BMERB1: variants seen among roughly 807,000 people sequenced by gnomAD.
BMERB1 encodes bMERB domain-containing protein 1.
BMERB1 carries 12 observed loss-of-function variants against 23.6 expected under a neutral mutation model. The ratio of observed to expected loss-of-function variants is 0.51; its 90% CI spans 0.33 to 0.82. The LOEUF (loss-of-function observed/expected upper bound fraction) is 0.82, where lower values mean the gene tolerates loss of function less well. Among genes scored for constraint, BMERB1 ranks in the 40% least tolerant of loss-of-function variants. The pLI is 0.03. For missense variants in BMERB1, 247 were observed against 255.4 expected (o/e 0.97, Z 0.22); for synonymous variants, 122 against 96.6 (o/e 1.26, Z -1.54).
intron 1 of BMERB1, among the ~76,000 whole-genome samples, chr16:15,443,660 G>A (rs886591667): frequency 6.6e-6 from 1 of 152,118 alleles, no homozygotes; most frequent in African/African-American, 2.4e-5. Flanking sequence ...GCTCGAGCCT[G>A]TAATCCCAGC....
chr16:15,569,079 G>T (rs1222159024), intron 3 of BMERB1, among the ~76,000 whole-genome samples: 2 of 152,102 alleles, frequency 1.3e-5, no homozygotes, highest in Non-Finnish European at 2.9e-5. Flanking sequence ...AGCCAGGGGT[G>T]GTGGCGGGTG....
chr16:15,552,035 G>C (rs966042562), intron 2 of BMERB1, among the ~76,000 whole-genome samples: 5 of 152,110 alleles, frequency 3.3e-5, no homozygotes, highest in African/African-American at 7.2e-5. Flanking sequence ...TAGGGGTAGG[G>C]TTAGGGACAC....
chr16:15,584,262 G>C, intron 5 of BMERB1: 1 of 498,430 alleles, frequency 2.0e-6, no homozygotes, highest in East Asian at 3.4e-5. Flanking sequence ...CTTTCAGTTA[G>C]AAGAAATGGA....
chr16:15,434,913 C>T (rs1028166484), intron 1 of BMERB1, among the ~76,000 whole-genome samples, 154 bp downstream of exon 1: 13 of 152,240 alleles, frequency 8.5e-5, no homozygotes, highest in African/African-American at 3.1e-4. Flanking sequence ...CAGCTCTGCG[C>T]AGCGACGCGC....
chr16:15,503,149 G>A (rs2051547780), intron 1 of BMERB1, among the ~76,000 whole-genome samples: 1 of 152,216 alleles, frequency 6.6e-6, no homozygotes, highest in Admixed American at 6.5e-5. Context: ...TGCTGAATCT[G>A]TGTAAATGAA....
chr16:15,448,193 A>G (rs1660762213), intron 1 of BMERB1, among the ~76,000 whole-genome samples: 1 of 152,140 alleles, frequency 6.6e-6, no homozygotes, highest in Non-Finnish European at 1.5e-5. Flanking sequence ...CCTGGCCGGA[A>G]GTAGCATTTT....
chr16:15,586,668 T>C, intron 5 of BMERB1, 49 bp from the exon 6 acceptor site: 1 of 1,467,210 alleles, frequency 6.8e-7, no homozygotes, highest in South Asian at 1.2e-5. Flanking sequence ...CTCACCTCTC[T>C]CTCTCTGTTC....
At chr16:15,562,462 C>G (rs554700217) in intron 2 of BMERB1, among the ~76,000 whole-genome samples, 1 of 152,234 alleles carries the variant, frequency 6.6e-6, no homozygotes, top group East Asian at 1.9e-4. Context: ...TCTCCATCTT[C>G]TCCTCTCTTA....
At chr16:15,513,950 C>T (rs771157730) in intron 1 of BMERB1, among the ~76,000 whole-genome samples, 4 of 151,918 alleles carry the variant, frequency 2.6e-5, no homozygotes, top group African/African-American at 9.7e-5. Flanking sequence ...TATAAAAAAC[C>T]ACATATATTC....
intron 3 of BMERB1, among the ~76,000 whole-genome samples, chr16:15,573,895 G>C (rs1234915443): frequency 6.8e-6 from 1 of 147,774 alleles, no homozygotes; most frequent in Non-Finnish European, 1.5e-5. Flanking sequence ...TTCACAAGGT[G>C]ACAGGAAGGA....
chr16:15,535,610 A>G (rs1174876799), intron 2 of BMERB1, among the ~76,000 whole-genome samples: 1 of 150,544 alleles, frequency 6.6e-6, no homozygotes, highest in East Asian at 1.9e-4. Flanking sequence ...AGATCGTGCC[A>G]CAGTACTCCA....
intron 1 of BMERB1, among the ~76,000 whole-genome samples, chr16:15,503,640 A>G (rs2051553877): frequency 6.6e-6 from 1 of 151,952 alleles, no homozygotes; most frequent in Admixed American, 6.6e-5. Context: ...CCTGGAACCA[A>G]TCCCACACGG....
chr16:15,510,098 C>T (rs1165302223), intron 1 of BMERB1, among the ~76,000 whole-genome samples: 2 of 152,284 alleles, frequency 1.3e-5, no homozygotes, highest in African/African-American at 4.8e-5. Flanking sequence ...AAGAAAAGAT[C>T]CATCCCTAGA....
At chr16:15,446,483 G>T (rs137966729) in intron 1 of BMERB1, among the ~76,000 whole-genome samples, 1 of 152,118 alleles carries the variant, frequency 6.6e-6, no homozygotes, top group African/African-American at 2.4e-5. Flanking sequence ...TGCATCCTCC[G>T]CTCCTTACAA....
chr16:15,537,106 C>T (rs900577997), intron 2 of BMERB1, among the ~76,000 whole-genome samples: 2 of 152,058 alleles, frequency 1.3e-5, no homozygotes, highest in African/African-American at 2.4e-5. Context: ...TCATCACATC[C>T]GTTATTGAAG....
intron 2 of BMERB1, among the ~76,000 whole-genome samples, chr16:15,564,195 A>G (rs2030504689): frequency 1.3e-5 from 2 of 152,250 alleles, no homozygotes; most frequent in Non-Finnish European, 2.9e-5. Flanking sequence ...CCTCTTCATT[A>G]AAGAACAGCT....
intron 1 of BMERB1, among the ~76,000 whole-genome samples, chr16:15,475,470 A>C (rs1323580119): frequency 9.2e-5 from 14 of 152,250 alleles, no homozygotes; most frequent in Admixed American, 9.2e-4. Context: ...TTACAGGGAA[A>C]GAGTTCAGAT....
intron 3 of BMERB1, among the ~76,000 whole-genome samples, chr16:15,570,131 C>T (rs2150972971): frequency 6.6e-6 from 1 of 152,180 alleles, no homozygotes; most frequent in Admixed American, 6.5e-5. Flanking sequence ...AGATAAGCAC[C>T]CACCATTACC....
chr16:15,548,511 A>C (rs968637287), intron 2 of BMERB1, among the ~76,000 whole-genome samples: 1 of 152,164 alleles, frequency 6.6e-6, no homozygotes, highest in African/African-American at 2.4e-5. Flanking sequence ...TGGGTAGCTC[A>C]AAATCTGCAG....
Sources: gnomAD v4.1 joint callset for allele counts (sites outside exome capture counted in the v4.1 genomes callset) on GRCh38, gnomAD v4.1.1 for gene constraint, MANE v1.5 for transcripts, NCBI Gene and HGNC (gene_info 2026-07-23, HGNC 2026-07-21) for gene names.